RSF1: variants seen among roughly 807,000 people sequenced by gnomAD.
RSF1 encodes the protein HBV pX-associated protein 8.
RSF1 carries 13 observed loss-of-function variants against 145.2 expected under a neutral mutation model. That is an observed-to-expected ratio of 0.09 (90% confidence interval 0.06 to 0.14). RSF1 has a LOEUF of 0.14. RSF1 is among the 10% of genes least tolerant of loss of function. RSF1 has a pLI of 1.00. For missense variants in RSF1, 1,517 were observed against 1,718.2 expected, an observed-to-expected ratio of 0.88 and a Z score of 2.07; for synonymous variants, 577 against 592.6, an observed-to-expected ratio of 0.97 and a Z score of 0.38.
chr11:77,815,461 C>T (rs143068666), intron 1 of RSF1, among the ~76,000 whole-genome samples: 121 of 152,254 alleles, frequency 7.9e-4, no homozygotes, highest in African/African-American at 2.6e-3. Flanking sequence ...TTAAATCTAA[C>T]AACACACATA....
chr11:77,861,439 G>A, the RSF1 span, among the ~76,000 whole-genome samples: 1 of 152,198 alleles, frequency 6.6e-6, no homozygotes, highest in African/African-American at 2.4e-5. Context: ...GTGTCCAAGA[G>A]ACAGTTAACC....
intron 5 of RSF1, among the ~76,000 whole-genome samples, chr11:77,705,451 CT>C (rs1477959520): frequency 3.3e-5 from 5 of 152,190 alleles, no homozygotes. Context: ...TCCACCACCC[CT>C]AGCAGAATCA....
chr11:77,689,575 G>T (rs777423740), intron 9 of RSF1, among the ~76,000 whole-genome samples: 1 of 152,090 alleles, frequency 6.6e-6, no homozygotes, highest in Non-Finnish European at 1.5e-5. Flanking sequence ...TTCCTGTATT[G>T]CTTTTAATAT....
chr11:77,690,858 A>C, intron 9 of RSF1: 2 of 355,578 alleles, frequency 5.6e-6, no homozygotes, highest in South Asian at 8.6e-5. Context: ...GTAGCCACAG[A>C]CAATATACAA....
At chr11:77,818,911 T>C (rs1192515866) in intron 1 of RSF1, among the ~76,000 whole-genome samples, 3 of 152,248 alleles carry the variant, frequency 2.0e-5, no homozygotes, top group African/African-American at 4.8e-5. Context: ...GTCACCCTCC[T>C]ATTTTGTACT....
intron 9 of RSF1, among the ~76,000 whole-genome samples, chr11:77,685,627 A>C (rs553870043): frequency 6.6e-6 from 1 of 152,322 alleles, no homozygotes; most frequent in African/African-American, 2.4e-5. Flanking sequence ...ACTTTAATAT[A>C]GTATTAGTAT....
chr11:77,686,624 C>G (rs138024445), intron 9 of RSF1, among the ~76,000 whole-genome samples: 103 of 151,968 alleles, frequency 6.8e-4, no homozygotes, highest in African/African-American at 2.5e-3. Context: ...TAGTGCCCTG[C>G]TAACAAGAAT....
At chr11:77,735,173 G>A (rs1050903164) in intron 4 of RSF1, 13 of 698,940 alleles carry the variant, frequency 1.9e-5, no homozygotes, top group African/African-American at 1.2e-4. Flanking sequence ...GACGAGCACC[G>A]GGTTCCGTCC....
rs139422111 is a variant in RSF1, at chr11:77,700,740, G to C, written c.2489C>G (p.Thr830Arg). ...KEILKKSEKD[T>R]NSKVSKVKPK... ...TTTTACCTTGCTTACTTTAGAATTT[G>C]TATCTTTCTCTGATTTTTTCAAAAT... Residue 830 changes from threonine (T) to arginine (R), a missense_variant, in exon 6 of 16, where the codon ACA (threonine) becomes AGA (arginine). Physicochemically the swap from Thr to Arg is moderately conservative, Grantham distance 71. This residue lies in a region of RSF1 where 579 missense variants were observed against 553.5 expected (regional missense o/e 1.05). Coordinates refer to ENST00000308488, the MANE Select transcript of RSF1 (RefSeq NM_016578.4). The C allele has an allele frequency of 1.3e-5, 20 of 1,584,166 alleles. No homozygotes were observed. Among genetic ancestry groups the C allele is most frequent in the Non-Finnish European group, 1.5e-5 (18 of 1,172,992 alleles).
chr11:77,801,300 T>G (rs796573095), intron 1 of RSF1, among the ~76,000 whole-genome samples: 4 of 152,188 alleles, frequency 2.6e-5, no homozygotes, highest in African/African-American at 9.6e-5. Flanking sequence ...TGGTGGCACA[T>G]GCCTGTAGTC....
rs1366076044 is a variant in RSF1 at position 77,808,734 on chromosome 11, C to T, written c.187+11794G>A. On this transcript the variant is annotated intron_variant, in intron 1 of 15. Transcript: ENST00000308488. Reference sequence around the variant, plus strand: ...ATTTTTAGTAGAGACGGGGTTTCACCGTGTTAACCGGGATGGTCTCGATCT... The same window carrying T: ...ATTTTTAGTAGAGACGGGGTTTCACTGTGTTAACCGGGATGGTCTCGATCT... 1.8e-5 allele frequency among the ~76,000 whole-genome samples: 2 copies of T among 113,760 alleles called. 1 individual carries two copies. Among genetic ancestry groups the T allele is most frequent in the South Asian group, 5.1e-4 (2 of 3,898 alleles). 74.6% of individuals were successfully genotyped at this position (113,760 alleles called of 152,430 possible).
intron 5 of RSF1, among the ~76,000 whole-genome samples, chr11:77,706,833 C>T (rs1302355127): frequency 2.0e-5 from 3 of 152,128 alleles, no homozygotes; most frequent in Non-Finnish European, 2.9e-5. Context: ...CCACCCTCCA[C>T]CCACTTTCCT....
intron 15 of RSF1, among the ~76,000 whole-genome samples, chr11:77,668,500 G>A (rs191053664): frequency 3.3e-5 from 5 of 152,244 alleles, no homozygotes; most frequent in African/African-American, 9.6e-5. Context: ...GTTATTAGAC[G>A]CCCTTGGTAG....
intron 1 of RSF1, among the ~76,000 whole-genome samples, chr11:77,771,643 C>T (rs1022179930): frequency 6.6e-6 from 1 of 152,022 alleles, no homozygotes; most frequent in Non-Finnish European, 1.5e-5. Context: ...ATAATCTAGG[C>T]GGCAGGAAGC....
At chr11:77,796,021 G>A (rs772452429) in intron 1 of RSF1, among the ~76,000 whole-genome samples, 10 of 152,172 alleles carry the variant, frequency 6.6e-5, no homozygotes, top group Non-Finnish European at 1.5e-4. Context: ...ATTCTCTGAT[G>A]GTAGTTTGTA....
chr11:77,795,522 A>G (rs1434462962), intron 1 of RSF1, among the ~76,000 whole-genome samples: 1 of 152,192 alleles, frequency 6.6e-6, no homozygotes, highest in Non-Finnish European at 1.5e-5. Context: ...AAAATCAGAC[A>G]CACAGACCAA....
In RSF1 at chr11:77,740,685, G is replaced by A. The variant is rs367924927; in HGVS notation, c.578+46C>T. ...ATCCTAGTTTTGAAACGAGATCAATGTACAAAACACACAAATAAGTGTAAA... is the reference window on the plus strand; with the variant it reads ...ATCCTAGTTTTGAAACGAGATCAATATACAAAACACACAAATAAGTGTAAA... On this transcript the variant is annotated intron_variant, in intron 4 of 15. Coordinates refer to ENST00000308488, the MANE Select transcript of RSF1 (RefSeq NM_016578.4). 5.2e-6 allele frequency: 8 copies of A among 1,531,574 alleles called. No individual in the cohort carries two copies. In the African/African-American group the frequency reaches 1.1e-4, roughly 21 times the overall value. The allele number at this position is 1,531,574 out of a possible 1,614,324, so 94.9% of individuals were successfully genotyped here.
At position 77,667,167 on chromosome 11, in the gene RSF1, C is replaced by T; in HGVS notation, c.4076G>A (p.Ser1359Asn). The T allele has an allele frequency of 1.9e-6, 3 of 1,614,216 alleles. No individual in the cohort carries two copies. Among genetic ancestry groups the T allele is most frequent in the Non-Finnish European group, 2.5e-6 (3 of 1,180,040 alleles). Reference sequence around the variant, plus strand: ...GTCCACTAAGCTATAGTCCAATGGGCTCCCCACTTTGCCTACATTTTCAAA... The same window carrying T: ...GTCCACTAAGCTATAGTCCAATGGGTTCCCCACTTTGCCTACATTTTCAAA... ...EDFENVGKVG[S>N]PLDYSLVDLP... is the part of the protein sequence containing the mutation. The change falls in exon 16 of 16, where the codon AGC (serine) becomes AAC (asparagine). Residue 1359 changes from serine to asparagine, a missense_variant. Around this residue, in one of 12 missense-constraint regions of RSF1, gnomAD observed 240 missense variants for 231.8 expected, o/e 1.04. Transcript: ENST00000308488.
At chr11:77,849,193 T>C in the RSF1 span, among the ~76,000 whole-genome samples, 5 of 151,900 alleles carry the variant, frequency 3.3e-5, no homozygotes, top group Admixed American at 3.3e-4. Context: ...ATTGCCTCCA[T>C]ACCTGGCTAA....
Sources: gnomAD v4.1 joint callset for allele counts (sites outside exome capture counted in the v4.1 genomes callset) on GRCh38, gnomAD v4.1.1 for gene constraint, gnomAD v4.1.1 regional missense constraint, MANE v1.5 for transcripts, NCBI Gene and HGNC (gene_info 2026-07-23, HGNC 2026-07-21) for gene names.